ATP11A: variants seen among roughly 807,000 people sequenced by gnomAD.
The protein encoded by ATP11A is phospholipid-transporting ATPase IH.
ATP11A carries 81 observed loss-of-function variants against 154.4 expected under a neutral mutation model. The ratio of observed to expected loss-of-function variants is 0.52; its 90% CI spans 0.44 to 0.63. ATP11A has a LOEUF of 0.63. ATP11A is among the 30% of genes least tolerant of loss of function. ATP11A has a pLI of 0.00. For synonymous variants in ATP11A, 623 were observed against 585.9 expected, an observed-to-expected ratio of 1.06 and a Z score of -0.91; for missense variants, 1,316 against 1,474.3, an observed-to-expected ratio of 0.89 and a Z score of 1.76.
chr13:112,880,855 A>G lies in ATP11A; in HGVS notation c.*10-1021A>G, dbSNP rs553655155. On this transcript the variant is annotated intron_variant, in intron 29 of 29. Coordinates refer to ENST00000375645, the MANE Select transcript of ATP11A (RefSeq NM_015205.3). Reference sequence around the variant, plus strand: ...ACCACACATGGAACATGCTGTGCACACACACGTGTGCACACTCACCCCACA... The same window carrying G: ...ACCACACATGGAACATGCTGTGCACGCACACGTGTGCACACTCACCCCACA... The G allele has an allele frequency of 6.3e-6, 7 of 1,103,792 alleles. No homozygotes were observed. The East Asian group carries it at 4.5e-4, about 72-fold the overall frequency. 68.4% of individuals were successfully genotyped at this position (1,103,792 alleles called of 1,614,324 possible).
At chr13:112,734,782 G>T (rs570727461) in intron 1 of ATP11A, among the ~76,000 whole-genome samples, 2 of 152,168 alleles carry the variant, frequency 1.3e-5, no homozygotes, top group Admixed American at 1.3e-4. Flanking sequence ...CCGCACTTGG[G>T]GGGGATCACT....
Position 112,787,062 on chromosome 13 carries a change from G to A in ATP11A, c.162+1805G>A, listed in dbSNP as rs61963790. ...GTGGATACCTACTTAATTCACACCG[G>A]GTGTCCTGATGCGTAGACCCCTGTG... On this transcript the variant is annotated intron_variant, in intron 2 of 29. Transcript: ENST00000375645. Among the ~76,000 whole-genome samples the A allele has an allele frequency of 2.4e-4, 26 of 108,888 alleles. 1 individual carries two copies. Among genetic ancestry groups the A allele is most frequent in the African/African-American group, 1.2e-3 (18 of 15,032 alleles). 71.4% of individuals were successfully genotyped at this position (108,888 alleles called of 152,430 possible).
At chr13:112,768,234 G>A (rs1192967458) in intron 1 of ATP11A, among the ~76,000 whole-genome samples, 1 of 152,266 alleles carries the variant, frequency 6.6e-6, no homozygotes, top group East Asian at 1.9e-4. Context: ...ACAAGAGGCA[G>A]CCCCAGGCGC....
At chr13:112,756,246 C>T (rs552611724) in intron 1 of ATP11A, among the ~76,000 whole-genome samples, 38 of 152,198 alleles carry the variant, frequency 2.5e-4, no homozygotes, top group Admixed American at 4.6e-4. Context: ...GCAGGGTCTA[C>T]GATTCTGGCT....
intron 5 of ATP11A, among the ~76,000 whole-genome samples, chr13:112,811,204 A>ACACACG (rs1157261785): frequency 2.0e-5 from 3 of 149,932 alleles, no homozygotes; most frequent in Non-Finnish European, 4.5e-5. Context: ...ACACACACAC[A>ACACACG]CAGCCTCCCT....
rs1297331039 is a variant in ATP11A at position 112,721,654 on chromosome 13, TC to T, written c.39+31202del. On this transcript the variant is annotated intron_variant, in intron 1 of 29. Transcript: ENST00000375645. ...AGACAGCAGAAGGGCCTGGGGTTAG[TC>T]CCGGGGTCAGTTGTGGGACGCTGGT... Among the ~76,000 whole-genome samples the T allele has an allele frequency of 2.0e-5, 3 of 152,272 alleles. No homozygotes were observed. The East Asian group carries it at 5.8e-4, about 29-fold the overall frequency.
chr13:112,831,464 G>A lies in ATP11A; in HGVS notation c.1311G>A (p.Val437=), dbSNP rs755029288. The part of the protein sequence containing the change: ...KECCIEGHVY[V]PHVICNGQVL... ...GCTGCATCGAAGGCCATGTCTACGT[G>A]CCCCACGTCATCTGCAACGGGCAGG... Residue 437 remains valine (V), a synonymous_variant, in exon 13 of 30, where the codon GTG becomes GTA. Coordinates refer to ENST00000375645, the MANE Select transcript of ATP11A (RefSeq NM_015205.3). The A allele has an allele frequency of 4.3e-6, 7 of 1,614,062 alleles. No homozygotes were observed. In the African/African-American group the frequency reaches 8.0e-5, roughly 18 times the overall value.
chr13:112,860,808 A>G (rs923063408), intron 24 of ATP11A: 2 of 157,502 alleles, frequency 1.3e-5, no homozygotes, highest in African/African-American at 2.4e-5. Context: ...CTCTGGTTTC[A>G]GGGTGTCTTT....
In ATP11A at chr13:112,804,971, C is replaced by T; in HGVS notation, c.177C>T (p.Asn59=). ...CTTTTATGCAGTACACATTTTGGAA[C>T]TTTATACCCAAGAATTTATTTGAAC... ...RIVSSKYTFW[N]FIPKNLFEQF... is the part of the protein sequence containing the mutation. Residue 59 remains asparagine (N), a synonymous_variant, in exon 3 of 30, where the codon AAC becomes AAT. Coordinates refer to ENST00000375645, the MANE Select transcript of ATP11A (RefSeq NM_015205.3). 6.2e-7 allele frequency: 1 copy of T among 1,606,346 alleles called. No homozygotes were observed. The highest frequency in any genetic ancestry group is 8.5e-7 in the Non-Finnish European group (1 of 1,176,032).
chr13:112,715,339 G>A (rs1349174180), intron 1 of ATP11A, among the ~76,000 whole-genome samples: 1 of 85,032 alleles, frequency 1.2e-5, no homozygotes, highest in Non-Finnish European at 2.5e-5. Context: ...GCCCATCCCC[G>A]GTACCTGGCC....
intron 1 of ATP11A, among the ~76,000 whole-genome samples, chr13:112,759,518 C>CT (rs2076918574): frequency 6.6e-6 from 1 of 152,218 alleles, no homozygotes; most frequent in South Asian, 2.1e-4. Context: ...GTGACGATGA[C>CT]TTTTCAGTTT....
chr13:112,796,566 A>C (rs572605939), intron 2 of ATP11A, among the ~76,000 whole-genome samples: 2 of 152,204 alleles, frequency 1.3e-5, no homozygotes, highest in Non-Finnish European at 2.9e-5. Context: ...TCCAGGAAGG[A>C]ACCAGCCCTG....
At chr13:112,703,697 G>A (rs1048815077) in intron 1 of ATP11A, among the ~76,000 whole-genome samples, 3 of 152,102 alleles carry the variant, frequency 2.0e-5, no homozygotes, top group Non-Finnish European at 2.9e-5. Context: ...TGGTTGGTTC[G>A]GATCTAAGGT....
chr13:112,718,030 T>G (rs1026640649), intron 1 of ATP11A, among the ~76,000 whole-genome samples: 1 of 152,164 alleles, frequency 6.6e-6, no homozygotes, highest in Non-Finnish European at 1.5e-5. Flanking sequence ...GAGCCAAGAT[T>G]GCACCACTGC....
At chr13:112,709,963 A>G (rs1594365270) in intron 1 of ATP11A, among the ~76,000 whole-genome samples, 1 of 152,244 alleles carries the variant, frequency 6.6e-6, no homozygotes, top group African/African-American at 2.4e-5. Flanking sequence ...CCCCTGTTGG[A>G]GCTGATGCTG....
chr13:112,842,658 G>A (rs1189022637), intron 17 of ATP11A, among the ~76,000 whole-genome samples: 1 of 152,234 alleles, frequency 6.6e-6, no homozygotes, highest in Non-Finnish European at 1.5e-5. Context: ...TGCCAGGTTG[G>A]TTGATTGATG....
intron 2 of ATP11A, among the ~76,000 whole-genome samples, chr13:112,792,742 C>T (rs1046619243): frequency 6.6e-6 from 1 of 152,200 alleles, no homozygotes; most frequent in Non-Finnish European, 1.5e-5. Flanking sequence ...AGAGCTCCCC[C>T]AGGCCTGCTT....
At chr13:112,715,908 G>C (rs899103119) in intron 1 of ATP11A, among the ~76,000 whole-genome samples, 2 of 151,922 alleles carry the variant, frequency 1.3e-5, no homozygotes, top group Admixed American at 6.5e-5. Context: ...TTAGAAATCC[G>C]ATCCCATTCC....
At chr13:112,752,562 A>G (rs1254718884) in intron 1 of ATP11A, among the ~76,000 whole-genome samples, 1 of 152,220 alleles carries the variant, frequency 6.6e-6, no homozygotes, top group Non-Finnish European at 1.5e-5. Flanking sequence ...CGTCTTCAGC[A>G]CTGAATACGC....
Sources: gnomAD v4.1 joint callset for allele counts (sites outside exome capture counted in the v4.1 genomes callset) on GRCh38, gnomAD v4.1.1 for gene constraint, MANE v1.5 for transcripts, NCBI Gene and HGNC (gene_info 2026-07-23, HGNC 2026-07-21) for gene names.